The following PDE11A variants were observed in gnomAD, a reference collection of about 807,000 sequenced individuals.
PDE11A encodes phosphodiesterase 11A.
A neutral mutation model predicts 100.5 loss-of-function variants in PDE11A; 100 were observed. That is an observed-to-expected ratio of 1.00 (90% confidence interval 0.85 to 1.18). The LOEUF (loss-of-function observed/expected upper bound fraction) is 1.18, where lower values mean the gene tolerates loss of function less well. Among genes scored for constraint, PDE11A ranks in the 50% most tolerant of loss-of-function variants. The pLI, the probability that PDE11A is intolerant of heterozygous loss-of-function variation, is 0.00. For missense variants in PDE11A, 1,141 were observed against 1,152.6 expected, an observed-to-expected ratio of 0.99 and a Z score of 0.15; for synonymous variants, 381 against 420.8, an observed-to-expected ratio of 0.91 and a Z score of 1.16.
chr2:177,820,139 C>T, intron 7 of PDE11A, 81 bp downstream of exon 7: 1 of 774,328 alleles, frequency 1.3e-6, no homozygotes, highest in Non-Finnish European at 2.3e-6. Context: ...AGAGGGAACA[C>T]ATAAAAAAGA....
At chr2:178,029,501 G>A (rs892849567) in intron 1 of PDE11A, among the ~76,000 whole-genome samples, 22 of 151,902 alleles carry the variant, frequency 1.4e-4, no homozygotes, top group Admixed American at 1.0e-3. Context: ...CAAAACCGTG[G>A]TCCACAGTTA....
intron 2 of PDE11A, among the ~76,000 whole-genome samples, chr2:177,977,471 C>A (rs2085824267): frequency 8.6e-6 from 1 of 115,982 alleles, no homozygotes; most frequent in African/African-American, 3.4e-5. Context: ...ATTCCATGCT[C>A]ATGGGTAGGA....
At chr2:177,828,399 G>C (rs932540092) in intron 6 of PDE11A, among the ~76,000 whole-genome samples, 2 of 151,854 alleles carry the variant, frequency 1.3e-5, no homozygotes, top group South Asian at 4.2e-4. Flanking sequence ...TAGGTGTTGG[G>C]GATACAGCAG....
chr2:178,076,570 C>T (rs2087210271), upstream of PDE11A, among the ~76,000 whole-genome samples: 1 of 152,204 alleles, frequency 6.6e-6, no homozygotes, highest in African/African-American at 2.4e-5. Context: ...CAACATCTCA[C>T]AATTTGGTAT....
chr2:177,906,568 A>C (rs1029751346), intron 2 of PDE11A, among the ~76,000 whole-genome samples: 1 of 152,218 alleles, frequency 6.6e-6, no homozygotes, highest in South Asian at 2.1e-4. Flanking sequence ...GAAGATAGAG[A>C]AACAATGGGA....
At chr2:177,897,810 A>G (rs987467573) in intron 4 of PDE11A, among the ~76,000 whole-genome samples, 5 of 152,204 alleles carry the variant, frequency 3.3e-5, no homozygotes, top group African/African-American at 1.2e-4. Context: ...TTCATCTGCA[A>G]TTACAAAGGC....
intron 9 of PDE11A, among the ~76,000 whole-genome samples, chr2:177,783,532 C>CT (rs1335145743): frequency 6.6e-6 from 1 of 152,060 alleles, no homozygotes; most frequent in Non-Finnish European, 1.5e-5. Flanking sequence ...TTACTACTAC[C>CT]TTTTTTCCTG....
intron 1 of PDE11A, among the ~76,000 whole-genome samples, chr2:178,031,658 G>A (rs2086548832): frequency 6.6e-6 from 1 of 152,008 alleles, no homozygotes; most frequent in South Asian, 2.1e-4. Context: ...AGACATTAAA[G>A]AAGATTAAAT....
intron 9 of PDE11A, among the ~76,000 whole-genome samples, chr2:177,771,076 G>A (rs550871771): frequency 2.0e-5 from 3 of 152,062 alleles, no homozygotes; most frequent in Non-Finnish European, 4.4e-5. Context: ...CGATCCTCCC[G>A]CCTCAGCCTC....
At position 177,635,330 on chromosome 2, in the gene PDE11A, T is replaced by C. The variant is rs140932332; in HGVS notation, c.2647-5768A>G. 1.8e-3 allele frequency among the ~76,000 whole-genome samples: 267 copies of C among 152,298 alleles called. 3 individuals carry two copies. The highest frequency in any genetic ancestry group is 6.2e-3 in the African/African-American group (259 of 41,564). On this transcript the variant is annotated intron_variant, in intron 19 of 19. Transcript: ENST00000286063. ...GCTGACCTAAAAACCCTATTTGGGA[T>C]GCAGTGCTTCTCCCTTGGGGCAACC...
At chr2:177,787,079 A>T (rs1025615368) in intron 9 of PDE11A, among the ~76,000 whole-genome samples, 3 of 134,468 alleles carry the variant, frequency 2.2e-5, no homozygotes, top group African/African-American at 8.6e-5. Context: ...TCCAAGACAA[A>T]TAATTGTCAG....
At chr2:177,726,665 T>TTTG (rs2081604137) in intron 12 of PDE11A, among the ~76,000 whole-genome samples, 3 of 151,266 alleles carry the variant, frequency 2.0e-5, no homozygotes, top group Admixed American at 6.6e-5. Flanking sequence ...GCAGAGTTTT[T>TTTG]TTTTTTTTTT....
In PDE11A at chr2:177,741,770, G is replaced by A. The variant is rs555331880; in HGVS notation, c.1789-13598C>T. ...TCCAAGTTAAAGATAAGAACTGGGT[G>A]TGATGGCTCATGCCTGTAATCCCAA... On this transcript the variant is annotated intron_variant, in intron 10 of 19. Transcript: ENST00000286063. Among the ~76,000 whole-genome samples the A allele has an allele frequency of 2.0e-5, 3 of 152,332 alleles. No individual in the cohort carries two copies. In the South Asian group the frequency reaches 6.2e-4, roughly 32 times the overall value.
chr2:177,913,787 G>T (rs1389114892), intron 2 of PDE11A, among the ~76,000 whole-genome samples: 1 of 152,030 alleles, frequency 6.6e-6, no homozygotes, highest in Non-Finnish European at 1.5e-5. Flanking sequence ...ACTAGACATT[G>T]CCATTGTTTC....
chr2:177,721,432 T>C (rs1448115300), intron 12 of PDE11A, among the ~76,000 whole-genome samples: 3 of 152,128 alleles, frequency 2.0e-5, no homozygotes, highest in Non-Finnish European at 2.9e-5. Context: ...CAAAAAGATA[T>C]ACAAATAATA....
intron 2 of PDE11A, among the ~76,000 whole-genome samples, chr2:177,928,064 A>G (rs1334446275): frequency 7.2e-6 from 1 of 139,524 alleles, no homozygotes; most frequent in Non-Finnish European, 1.5e-5. Context: ...AGATCGCGCC[A>G]TTGCACTCCA....
chr2:177,885,293 T>A (rs779770997), intron 4 of PDE11A, among the ~76,000 whole-genome samples: 3 of 152,018 alleles, frequency 2.0e-5, no homozygotes, highest in Admixed American at 6.6e-5. Flanking sequence ...GGGTTCTGCA[T>A]CCACAACCAA....
chr2:177,783,061 C>G (rs1319146179), intron 9 of PDE11A, among the ~76,000 whole-genome samples: 1 of 152,180 alleles, frequency 6.6e-6, no homozygotes, highest in Non-Finnish European at 1.5e-5. Flanking sequence ...AGCCTTTACT[C>G]ATATTTCTGG....
chr2:177,787,616 C>T (rs2082557365), intron 9 of PDE11A, among the ~76,000 whole-genome samples: 1 of 150,352 alleles, frequency 6.7e-6, no homozygotes, highest in Admixed American at 6.6e-5. Flanking sequence ...GAGTCAAGAC[C>T]CATCAGTGTG....
Sources: gnomAD v4.1 joint callset for allele counts (sites outside exome capture counted in the v4.1 genomes callset) on GRCh38, gnomAD v4.1.1 for gene constraint, MANE v1.5 for transcripts, NCBI Gene and HGNC (gene_info 2026-07-23, HGNC 2026-07-21) for gene names.